The following CTNNA3 variants were observed in gnomAD, a reference collection of about 807,000 sequenced individuals.
CTNNA3 encodes the protein catenin alpha 3.
CTNNA3 carries 76 observed loss-of-function variants against 95.7 expected under a neutral mutation model. The observed-to-expected ratio is 0.79, with a 90% CI of 0.66 to 0.96. CTNNA3 has a LOEUF of 0.96. CTNNA3 is among the 40% of genes least tolerant of loss of function. The pLI is 0.00. For synonymous variants in CTNNA3, 431 were observed against 374.4 expected (o/e 1.15, Z -1.74); for missense variants, 1,191 against 1,089.8 (o/e 1.09, Z -1.31).
chr10:66,101,025 T>C (rs2081604973), intron 14 of CTNNA3, among the ~76,000 whole-genome samples: 1 of 152,204 alleles, frequency 6.6e-6, no homozygotes, highest in Non-Finnish European at 1.5e-5. Flanking sequence ...AAAATTTCCT[T>C]TGGTCAATTA....
intron 1 of CTNNA3, among the ~76,000 whole-genome samples, chr10:67,714,673 G>A (rs1388143859): frequency 1.3e-5 from 2 of 152,198 alleles, no homozygotes; most frequent in Non-Finnish European, 2.9e-5. Context: ...GAAATGTGAG[G>A]ACATGAGGTT....
chr10:66,977,002 T>C (rs1257082808), intron 7 of CTNNA3, among the ~76,000 whole-genome samples: 1 of 152,160 alleles, frequency 6.6e-6, no homozygotes, highest in African/African-American at 2.4e-5. Context: ...CAATGTAATT[T>C]TATATCTACA....
chr10:67,471,095 G>A (rs115190941), intron 5 of CTNNA3, among the ~76,000 whole-genome samples: 4,154 of 152,204 alleles, frequency 0.027, 93 homozygotes, highest in African/African-American at 0.05. Flanking sequence ...GGGGGGTGGG[G>A]CAATTACCGG....
chr10:67,557,283 G>A (rs760817117), intron 3 of CTNNA3, among the ~76,000 whole-genome samples: 1 of 152,168 alleles, frequency 6.6e-6, no homozygotes, highest in African/African-American at 2.4e-5. Flanking sequence ...TTCCAACAGA[G>A]TAAGAGCTTT....
intron 14 of CTNNA3, among the ~76,000 whole-genome samples, chr10:66,082,654 G>C (rs1564625619): frequency 6.7e-6 from 1 of 150,222 alleles, no homozygotes; most frequent in African/African-American, 2.4e-5. Context: ...AACATTAGGG[G>C]AAATTAGGTG....
intron 5 of CTNNA3, among the ~76,000 whole-genome samples, chr10:67,327,744 T>C (rs1841601758): frequency 6.6e-6 from 1 of 152,192 alleles, no homozygotes; most frequent in Admixed American, 6.5e-5. Context: ...GCAACAGCTG[T>C]GGCATAGTGG....
At chr10:66,229,201 A>G (rs2089466518) in intron 13 of CTNNA3, among the ~76,000 whole-genome samples, 1 of 151,936 alleles carries the variant, frequency 6.6e-6, no homozygotes, top group Non-Finnish European at 1.5e-5. Context: ...TGTGTTGTAA[A>G]CCCTTTGTTT....
chr10:65,935,273 C>T (rs1014503173), intron 17 of CTNNA3, among the ~76,000 whole-genome samples: 6 of 152,082 alleles, frequency 3.9e-5, no homozygotes, highest in Admixed American at 6.6e-5. Flanking sequence ...AATGTGTTTT[C>T]GTAGGCTCCT....
At chr10:66,111,653 G>C (rs914364251) in intron 13 of CTNNA3, among the ~76,000 whole-genome samples, 2 of 152,182 alleles carry the variant, frequency 1.3e-5, no homozygotes, top group Non-Finnish European at 2.9e-5. Context: ...ATTCCATAGA[G>C]TTATATGATT....
intron 1 of CTNNA3, among the ~76,000 whole-genome samples, chr10:67,718,502 G>C (rs1041825539): frequency 1.3e-5 from 2 of 152,088 alleles, no homozygotes; most frequent in Non-Finnish European, 2.9e-5. Flanking sequence ...GTTTACTGAA[G>C]GTTTTTAGCA....
intron 7 of CTNNA3, among the ~76,000 whole-genome samples, chr10:67,095,489 G>T (rs978029046): frequency 2.6e-5 from 4 of 151,622 alleles, no homozygotes; most frequent in East Asian, 1.9e-4. Flanking sequence ...AATTGATAAT[G>T]GTTCAAATTA....
chr10:67,331,444 A>AT (rs900756762), intron 5 of CTNNA3, among the ~76,000 whole-genome samples: 7 of 149,650 alleles, frequency 4.7e-5, no homozygotes, highest in African/African-American at 1.2e-4. Flanking sequence ...TTAGAAGCAT[A>AT]TTTTTTTATT....
rs1379699579 is a variant in CTNNA3 at position 67,739,169 on chromosome 10, A to G, written c.-2+24265T>C. On this transcript the variant is annotated intron_variant, in intron 1 of 17. Transcript: ENST00000684154. The stretch of plus-strand genomic sequence containing the variant: ...ATTCACCAAAGTTGAAATGAAGGAA[A>G]AAATGGTAAGGGCAGCCAGAGAGAA... 4.6e-5 allele frequency among the ~76,000 whole-genome samples: 7 copies of G among 152,210 alleles called. 1 individual carries two copies. Among genetic ancestry groups the G allele is most frequent in the Non-Finnish European group, 1.0e-4 (7 of 68,044 alleles).
At chr10:67,661,177 A>T (rs187974198) in intron 1 of CTNNA3, among the ~76,000 whole-genome samples, 1 of 152,136 alleles carries the variant, frequency 6.6e-6, no homozygotes, top group Non-Finnish European at 1.5e-5. Flanking sequence ...GGACTCTACC[A>T]CAAATATAAA....
intron 13 of CTNNA3, among the ~76,000 whole-genome samples, chr10:66,266,084 AG>A (rs1004907111): frequency 2.7e-4 from 40 of 148,284 alleles, no homozygotes; most frequent in Middle Eastern, 3.4e-3. Flanking sequence ...AGAGAGAGGA[AG>A]GGGGGGAGAG....
At chr10:66,361,526 T>G (rs560685355) in intron 12 of CTNNA3, among the ~76,000 whole-genome samples, 2 of 150,728 alleles carry the variant, frequency 1.3e-5, no homozygotes, top group South Asian at 4.2e-4. Flanking sequence ...CTCTGCATCT[T>G]TCTCTCTTTC....
chr10:67,338,504 T>C (rs1842070717), intron 5 of CTNNA3, among the ~76,000 whole-genome samples: 1 of 152,050 alleles, frequency 6.6e-6, no homozygotes, highest in African/African-American at 2.4e-5. Flanking sequence ...ATCCACACCA[T>C]ATCAGAGACC....
chr10:66,795,698 G>A (rs191409983), intron 7 of CTNNA3, among the ~76,000 whole-genome samples: 5 of 152,230 alleles, frequency 3.3e-5, no homozygotes, highest in East Asian at 3.9e-4. Flanking sequence ...CCTAGAAGGC[G>A]TCTTCTTCCA....
At position 66,352,808 on chromosome 10, in the gene CTNNA3, G is replaced by T. The variant is rs1001050153; in HGVS notation, c.1732+26344C>A. Among the ~76,000 whole-genome samples the T allele has an allele frequency of 2.0e-5, 3 of 151,992 alleles. No homozygotes were observed. The South Asian group carries it at 6.2e-4, about 32-fold the overall frequency. On this transcript the variant is annotated intron_variant, in intron 12 of 17. Transcript: ENST00000433211. ...AATGTACAGCTACATTAGATATTATGCACTATATTCTTATCTGGCAAAACT... is the reference window on the plus strand; with the variant it reads ...AATGTACAGCTACATTAGATATTATTCACTATATTCTTATCTGGCAAAACT...
Sources: gnomAD v4.1 joint callset for allele counts (sites outside exome capture counted in the v4.1 genomes callset) on GRCh38, gnomAD v4.1.1 for gene constraint, MANE v1.5 for transcripts, NCBI Gene and HGNC (gene_info 2026-07-23, HGNC 2026-07-21) for gene names.